IQCJ: variants seen among roughly 807,000 people sequenced by gnomAD.
IQCJ encodes the protein IQ motif containing J.
A neutral mutation model predicts 11.0 loss-of-function variants in IQCJ; 9 were observed. That is an observed-to-expected ratio of 0.82 (90% CI 0.49 to 1.43). IQCJ has a LOEUF of 1.43. IQCJ is among the 40% of genes most tolerant of loss of function. IQCJ has a pLI of 0.00. For missense variants in IQCJ, 146 were observed against 133.2 expected (o/e 1.10, Z -0.47); for synonymous variants, 55 against 51.3 (o/e 1.07, Z -0.31).
At chr3:159,128,727 C>T (rs1228102137) in intron 1 of IQCJ, among the ~76,000 whole-genome samples, 2 of 152,006 alleles carry the variant, frequency 1.3e-5, no homozygotes, top group Non-Finnish European at 2.9e-5. Flanking sequence ...CAACACATCA[C>T]CCTTCCCTTT....
chr3:159,213,008 C>A (rs757693864), intron 1 of IQCJ, among the ~76,000 whole-genome samples: 5 of 152,104 alleles, frequency 3.3e-5, no homozygotes, highest in Non-Finnish European at 5.9e-5. Context: ...ATTGAGCGAA[C>A]TTACAGACAG....
chr3:159,172,777 G>T (rs1367632423), intron 1 of IQCJ, among the ~76,000 whole-genome samples: 3 of 144,886 alleles, frequency 2.1e-5, no homozygotes, highest in Non-Finnish European at 3.0e-5. Flanking sequence ...GGGCGGGGGG[G>T]TGGGGGTGGG....
At chr3:159,069,682 C>G (rs1008443977) in intron 1 of IQCJ, 1 of 601,508 alleles carries the variant, frequency 1.7e-6, no homozygotes, top group East Asian at 3.0e-5. Flanking sequence ...ACAGATTTCA[C>G]TAAAGGAATC....
chr3:159,122,595 C>A (rs1480579163), intron 1 of IQCJ, among the ~76,000 whole-genome samples: 1 of 152,022 alleles, frequency 6.6e-6, no homozygotes, highest in Non-Finnish European at 1.5e-5. Context: ...CGAAAAGTTT[C>A]CTTTTCTTCA....
At chr3:159,225,884 G>A (rs1725826076) in intron 1 of IQCJ, among the ~76,000 whole-genome samples, 2 of 152,124 alleles carry the variant, frequency 1.3e-5, no homozygotes, top group South Asian at 4.2e-4. Flanking sequence ...CTACAAACTG[G>A]GGATTCCCAT....
At chr3:159,084,393 T>C (rs900464260) in intron 1 of IQCJ, among the ~76,000 whole-genome samples, 9 of 151,924 alleles carry the variant, frequency 5.9e-5, no homozygotes, top group Non-Finnish European at 1.0e-4. Context: ...TTTGAAGATA[T>C]TGGTAAATCT....
intron 1 of IQCJ, among the ~76,000 whole-genome samples, chr3:159,240,284 T>C (rs1165215785): frequency 6.6e-6 from 1 of 152,238 alleles, no homozygotes; most frequent in Non-Finnish European, 1.5e-5. Context: ...ATGGTAGATA[T>C]TAGCTTTCAC....
chr3:159,222,425 A>G (rs960209491), intron 1 of IQCJ, among the ~76,000 whole-genome samples: 4 of 152,220 alleles, frequency 2.6e-5, no homozygotes, highest in Non-Finnish European at 5.9e-5. Flanking sequence ...TATGCCAGGC[A>G]CAAAAAGAAA....
chr3:159,227,932 T>C (rs1266752795), intron 1 of IQCJ, among the ~76,000 whole-genome samples: 1 of 152,196 alleles, frequency 6.6e-6, no homozygotes, highest in East Asian at 1.9e-4. Context: ...GACAATTTAA[T>C]GTAAATAGGG....
At chr3:159,110,602 A>G (rs544460730) in intron 1 of IQCJ, among the ~76,000 whole-genome samples, 1 of 152,288 alleles carries the variant, frequency 6.6e-6, no homozygotes, top group Non-Finnish European at 1.5e-5. Context: ...AGTTGTTTAC[A>G]GGACCAGTCT....
At chr3:159,085,248 C>G (rs1716644513) in intron 1 of IQCJ, among the ~76,000 whole-genome samples, 1 of 151,546 alleles carries the variant, frequency 6.6e-6, no homozygotes, top group Admixed American at 6.6e-5. Context: ...GACATGAACT[C>G]ATCATTTTTT....
intron 3 of IQCJ, among the ~76,000 whole-genome samples, chr3:159,262,053 G>A (rs1238085654): frequency 6.6e-6 from 1 of 152,240 alleles, no homozygotes. Context: ...TCACCTTGCA[G>A]TCATGCAAAG....
At chr3:159,235,003 T>G (rs1353126000) in intron 1 of IQCJ, among the ~76,000 whole-genome samples, 2 of 152,190 alleles carry the variant, frequency 1.3e-5, no homozygotes, top group African/African-American at 2.4e-5. Context: ...CACTTTTTTT[T>G]TGTGCTTTGG....
intron 1 of IQCJ, among the ~76,000 whole-genome samples, chr3:159,215,358 G>T (rs1725169092): frequency 6.6e-6 from 1 of 152,152 alleles, no homozygotes; most frequent in African/African-American, 2.4e-5. Context: ...TTAATGACCT[G>T]CTCAGGTGAA....
At chr3:159,242,779 A>G (rs1040525028) in intron 1 of IQCJ, among the ~76,000 whole-genome samples, 1 of 152,110 alleles carries the variant, frequency 6.6e-6, no homozygotes, top group Non-Finnish European at 1.5e-5. Flanking sequence ...GCAGGAAAAT[A>G]TTTATTAGGA....
Position 159,072,322 on chromosome 3 carries a change from C to T in IQCJ, c.9+2881C>T, listed in dbSNP as rs142329079. ...TGGAGAAGATGAGTTCTCAACCAAG[C>T]GGGGGAGGAGGTTATTAGCAAAAAT... On this transcript the variant is annotated intron_variant, in intron 1 of 3. Transcript: ENST00000397832. Among the ~76,000 whole-genome samples, 851 of 151,634 alleles carry T rather than the reference C, an allele frequency of 5.6e-3. 5 individuals are homozygous for T. Among genetic ancestry groups the T allele is most frequent in the African/African-American group, 0.019 (797 of 41,334 alleles).
intron 2 of IQCJ, among the ~76,000 whole-genome samples, chr3:159,252,125 C>T (rs1250653194): frequency 1.3e-5 from 2 of 152,168 alleles, no homozygotes; most frequent in African/African-American, 4.8e-5. Context: ...TTACCTACTT[C>T]CTATCCGTCC....
chr3:159,244,407 C>T (rs933446879), intron 1 of IQCJ, among the ~76,000 whole-genome samples: 2 of 152,004 alleles, frequency 1.3e-5, no homozygotes, highest in East Asian at 3.9e-4. Context: ...GTATGTAGCA[C>T]GTGGGGAAGA....
At chr3:159,085,204 G>A (rs1267793334) in intron 1 of IQCJ, among the ~76,000 whole-genome samples, 1 of 151,814 alleles carries the variant, frequency 6.6e-6, no homozygotes, top group Non-Finnish European at 1.5e-5. Flanking sequence ...TACTGAGAAT[G>A]ATGGTTTCCA....
Sources: allele counts gnomAD v4.1 joint callset (sites outside exome capture counted in the v4.1 genomes callset), GRCh38; gene constraint gnomAD v4.1.1; transcripts MANE v1.5; gene names NCBI Gene and HGNC (gene_info 2026-07-23, HGNC 2026-07-21).